The following LRRIQ3 variants were observed in gnomAD, a reference collection of about 807,000 sequenced individuals.
LRRIQ3 encodes leucine-rich repeat and IQ domain-containing protein 3.
Under a neutral mutation model 59.3 loss-of-function variants are expected in LRRIQ3, and 75 were observed. The observed-to-expected ratio is 1.26, with a 90% CI of 1.05 to 1.53. The LOEUF (loss-of-function observed/expected upper bound fraction) is 1.53, where lower values mean the gene tolerates loss of function less well. Among genes scored for constraint, LRRIQ3 ranks in the 40% most tolerant of loss-of-function variants. LRRIQ3 has a pLI of 0.00. For missense variants in LRRIQ3, 831 were observed against 710.0 expected (o/e 1.17, Z -1.94); for synonymous variants, 250 against 231.3 (o/e 1.08, Z -0.73).
intron 5 of LRRIQ3, among the ~76,000 whole-genome samples, chr1:74,105,010 A>G (rs1457282388): frequency 6.6e-6 from 1 of 152,072 alleles, no homozygotes; most frequent in Non-Finnish European, 1.5e-5. Context: ...GGCATAAAAT[A>G]TAAAACAGAG....
Position 74,026,279 on chromosome 1 carries a change from A to C in LRRIQ3, c.*534T>G, listed in dbSNP as rs1653512255. The C allele has an allele frequency of 1.3e-5, 2 of 152,210 alleles. No homozygotes were observed. Among genetic ancestry groups the C allele is most frequent in the African/African-American group, 4.8e-5 (2 of 41,566 alleles). 9.4% of individuals were successfully genotyped at this position (152,210 alleles called of 1,614,324 possible). On this transcript the variant is annotated 3_prime_UTR_variant, in exon 8 of 8. Transcript: ENST00000354431. ...ATGTTTAATTTACTTTTCATAGTTC[A>C]TATTTTCTGAATTTTTATAACAGCA...
chr1:74,182,473 A>T, intron 3 of LRRIQ3, 65 bp downstream of exon 3: 1 of 983,912 alleles, frequency 1.0e-6, no homozygotes, highest in Non-Finnish European at 1.4e-6. Flanking sequence ...TAGATATAGA[A>T]CTCAGAAGCT....
chr1:74,091,653 A>T (rs1646395935), intron 5 of LRRIQ3, among the ~76,000 whole-genome samples: 1 of 152,140 alleles, frequency 6.6e-6, no homozygotes, highest in Non-Finnish European at 1.5e-5. Context: ...GCTTATTAGT[A>T]AAAAGTAACA....
intron 4 of LRRIQ3, chr1:74,138,606 T>G: frequency 4.6e-6 from 2 of 434,466 alleles, no homozygotes; most frequent in Non-Finnish European, 6.1e-6. Flanking sequence ...CTCTTATGGC[T>G]GCTTTCAAGA....
intron 4 of LRRIQ3, among the ~76,000 whole-genome samples, chr1:74,142,078 GGC>G (rs1647281689): frequency 1.3e-5 from 2 of 151,406 alleles, no homozygotes; most frequent in Admixed American, 6.6e-5. Flanking sequence ...TCTGTATCTT[GGC>G]TATTGTGAAT....
At chr1:74,038,997 GCTT>G (rs1372021616) in intron 7 of LRRIQ3, among the ~76,000 whole-genome samples, 1 of 152,144 alleles carries the variant, frequency 6.6e-6, no homozygotes, top group African/African-American at 2.4e-5. Flanking sequence ...ACAGAAGTAG[GCTT>G]CAGAAGGTGG....
At position 74,125,775 on chromosome 1, in the gene LRRIQ3, T is replaced by C. The variant is rs375479361; in HGVS notation, c.708-16222A>G. Among the ~76,000 whole-genome samples the C allele has an allele frequency of 7.2e-5, 11 of 152,070 alleles. No homozygotes were observed. The East Asian group carries it at 1.9e-3, about 27-fold the overall frequency. On this transcript the variant is annotated intron_variant, in intron 4 of 7. Coordinates refer to ENST00000354431, the MANE Select transcript of LRRIQ3 (RefSeq NM_001105659.2). ...TTGCTGTTATTTTGTTGAGGATTTT[T>C]GCATCAATGTTTATCAGGGATTCTG...
intron 4 of LRRIQ3, among the ~76,000 whole-genome samples, chr1:74,140,775 A>G (rs1321750780): frequency 6.6e-6 from 1 of 151,838 alleles, no homozygotes; most frequent in Non-Finnish European, 1.5e-5. Context: ...TTATTATCAT[A>G]TCAATGTGAA....
Position 74,041,696 on chromosome 1 carries a change from C to G in LRRIQ3, c.1235G>C (p.Arg412Thr). The G allele has an allele frequency of 1.2e-6, 2 of 1,613,554 alleles. No homozygotes were observed. The highest frequency in any genetic ancestry group is 1.7e-6 in the Non-Finnish European group (2 of 1,179,774). Residue 412 changes from arginine (R) to threonine (T), a missense_variant, in exon 7 of 8, where the codon AGA (arginine) becomes ACA (threonine). Coordinates refer to ENST00000354431, the MANE Select transcript of LRRIQ3 (RefSeq NM_001105659.2). ...AAATGTTCGGAGTTTCATACCAGCT[C>G]TTTGTGGTGCAAAAAACTCTTTCAT... is the stretch of plus-strand genomic sequence containing the variant. Reference protein sequence around the residue: ...RSMKEFFAPQRAGMKLRTFSD... With the variant: ...RSMKEFFAPQTAGMKLRTFSD...
At chr1:74,043,334 G>C (rs768726357) in intron 6 of LRRIQ3, among the ~76,000 whole-genome samples, 19 of 152,074 alleles carry the variant, frequency 1.2e-4, no homozygotes, top group Non-Finnish European at 2.4e-4. Context: ...ATATGATGCT[G>C]GTGGTTTTAT....
Position 74,041,798 on chromosome 1 carries a change from A to T in LRRIQ3, c.1133T>A (p.Phe378Tyr), listed in dbSNP as rs768147578. 127 of 1,613,524 alleles carry T rather than the reference A, an allele frequency of 7.9e-5. No homozygotes were observed. The East Asian group carries it at 2.7e-3, about 35-fold the overall frequency. Residue 378 changes from phenylalanine (F) to tyrosine (Y), a missense_variant, in exon 7 of 8, where the codon TTT becomes TAT. Physicochemically the swap from Phe to Tyr is conservative, Grantham distance 22 (BLOSUM62 3). Transcript: ENST00000354431. ...AVLREKKQHF[F>Y]PAYPQPIYTT... ...ATAGATTGGCTGAGGATATGCAGGA[A>T]AAAAATGTTGTTTTTTCTCTCTCAA...
Position 74,158,078 on chromosome 1 carries a change from A to G in LRRIQ3, c.574-2212T>C, listed in dbSNP as rs1052935652. On this transcript the variant is annotated intron_variant, in intron 3 of 7. Transcript: ENST00000354431. ...TTATGCTTCCTGGCATGCAAATGTTACTAGATGCAGTACATTCAACATCCC... is the reference window on the plus strand; with the variant it reads ...TTATGCTTCCTGGCATGCAAATGTTGCTAGATGCAGTACATTCAACATCCC... Among the ~76,000 whole-genome samples the G allele has an allele frequency of 9.2e-5, 14 of 152,050 alleles. No individual in the cohort carries two copies. In the East Asian group the frequency reaches 2.1e-3, roughly 23 times the overall value.
intron 4 of LRRIQ3, among the ~76,000 whole-genome samples, chr1:74,134,353 C>G (rs1267606172): frequency 6.6e-6 from 1 of 151,986 alleles, no homozygotes; most frequent in Non-Finnish European, 1.5e-5. Context: ...CCCCCATAAC[C>G]CCTACCACTT....
chr1:74,180,860 C>A (rs1323963502), intron 3 of LRRIQ3: 8 of 1,449,194 alleles, frequency 5.5e-6, no homozygotes, highest in African/African-American at 1.4e-5. Flanking sequence ...TCCACCCTAG[C>A]TAATGTAGCC....
chr1:74,126,771 T>C (rs1646941595), intron 4 of LRRIQ3, among the ~76,000 whole-genome samples: 1 of 151,988 alleles, frequency 6.6e-6, no homozygotes, highest in South Asian at 2.1e-4. Context: ...GTCTAATATA[T>C]GGTCTATCCC....
chr1:74,191,556 T>G (rs1186470156), intron 1 of LRRIQ3, among the ~76,000 whole-genome samples: 1 of 151,770 alleles, frequency 6.6e-6, no homozygotes, highest in Non-Finnish European at 1.5e-5. Flanking sequence ...AAAACATGCC[T>G]TATCAAATTC....
intron 5 of LRRIQ3, among the ~76,000 whole-genome samples, chr1:74,095,675 T>C (rs1000266271): frequency 2.0e-5 from 3 of 152,070 alleles, no homozygotes; most frequent in African/African-American, 7.2e-5. Context: ...TTTTGTACTC[T>C]AAAATCATAG....
intron 6 of LRRIQ3, chr1:74,050,588 G>C (rs1386047250): frequency 1.0e-6 from 1 of 985,092 alleles, no homozygotes; most frequent in Non-Finnish European, 1.2e-6. Context: ...AGAAACAAAT[G>C]GTCCAAACCT....
chr1:74,168,902 T>C lies in LRRIQ3; in HGVS notation c.574-13036A>G, dbSNP rs544145868. Among the ~76,000 whole-genome samples the C allele has an allele frequency of 3.3e-5, 5 of 152,272 alleles. No individual in the cohort carries two copies. In the East Asian group the frequency reaches 9.7e-4, roughly 29 times the overall value. On this transcript the variant is annotated intron_variant, in intron 3 of 7. Transcript: ENST00000354431. The stretch of plus-strand genomic sequence containing the variant: ...TCTTTTGGTTGTCTTGTGTCATTTT[T>C]ATTTTCTTTTGTTTGTTTGTGGTAA...
Sources: allele counts gnomAD v4.1 joint callset (sites outside exome capture counted in the v4.1 genomes callset), GRCh38; gene constraint gnomAD v4.1.1; transcripts MANE v1.5; gene names NCBI Gene and HGNC (gene_info 2026-07-23, HGNC 2026-07-21).